ABCC4: variants seen among roughly 807,000 people sequenced by gnomAD.
The protein encoded by ABCC4 is ATP binding cassette subfamily C member 4 (PEL blood group).
In ABCC4, 102 loss-of-function variants were observed where a neutral mutation model predicts 168.5. The observed-to-expected ratio is 0.61, with a 90% CI of 0.52 to 0.71. The LOEUF (loss-of-function observed/expected upper bound fraction) is 0.71, where lower values mean the gene tolerates loss of function less well. Ranked by LOEUF, ABCC4 falls within the 30% of genes least tolerant of loss-of-function variation. The pLI, the probability that ABCC4 is intolerant of heterozygous loss-of-function variation, is 0.00. For synonymous variants in ABCC4, 617 were observed against 590.7 expected (o/e 1.04, Z -0.65); for missense variants, 1,402 against 1,605.8 (o/e 0.87, Z 2.17).
chr13:95,170,245 C>A (rs2037421972), intron 14 of ABCC4: 1 of 280,826 alleles, frequency 3.6e-6, no homozygotes, highest in Non-Finnish European at 6.7e-6. Flanking sequence ...CTGTAATTTC[C>A]AAATAATACA....
chr13:95,104,121 T>C lies in ABCC4; in HGVS notation c.2535+11801A>G, dbSNP rs185899786. The stretch of plus-strand genomic sequence containing the variant: ...TTTGAGGTTTTTTTGGTTTGGGTTT[T>C]TTTGTTGTTGTTGTTGAGATGGAGT... On this transcript the variant is annotated intron_variant, in intron 20 of 30. Transcript: ENST00000645237. Among the ~76,000 whole-genome samples the C allele has an allele frequency of 1.6e-3, 243 of 152,056 alleles. 1 individual carries two copies. The highest frequency in any genetic ancestry group is 5.1e-3 in the African/African-American group (209 of 41,352).
chr13:95,301,436 C>T lies in ABCC4; in HGVS notation c.-122G>A. 2 of 806,082 alleles carry T rather than the reference C, an allele frequency of 2.5e-6. No homozygotes were observed. The highest frequency in any genetic ancestry group is 3.5e-6 in the Non-Finnish European group (2 of 573,152). 49.9% of individuals were successfully genotyped at this position (806,082 alleles called of 1,614,324 possible). A position where few individuals can be genotyped will look rare whatever the true frequency, so the allele number is the denominator to read the frequency against. On this transcript the variant is annotated 5_prime_UTR_variant, in exon 1 of 31. Transcript: ENST00000645237. The stretch of plus-strand genomic sequence containing the variant: ...CCGGCCGCCACGCCTGTCCGCTCGG[C>T]TGGAGCCTGTGAAGCAGCCGCTTCC...
chr13:95,104,034 T>C (rs1210564988), intron 20 of ABCC4, among the ~76,000 whole-genome samples: 1 of 152,208 alleles, frequency 6.6e-6, no homozygotes, highest in East Asian at 1.9e-4. Context: ...TGCTGTGATG[T>C]GAACTTGTAT....
chr13:95,186,957 T>A, intron 10 of ABCC4, 65 bp from the exon 11 acceptor site: 5 of 1,391,226 alleles, frequency 3.6e-6, no homozygotes, highest in Non-Finnish European at 4.8e-6. Flanking sequence ...GCCACTGCAA[T>A]GCAGCCTTGC....
chr13:95,078,449 G>T (rs1617888), intron 21 of ABCC4, among the ~76,000 whole-genome samples: 128,243 of 151,780 alleles, frequency 0.84, 55,877 homozygotes, highest in Non-Finnish European at 0.95. Context: ...ACAAAAAGAT[G>T]ACTCTTCAAC....
chr13:95,158,976 G>C (rs2036974264), intron 19 of ABCC4, among the ~76,000 whole-genome samples: 1 of 150,774 alleles, frequency 6.6e-6, no homozygotes, highest in Non-Finnish European at 1.5e-5. Context: ...CCAACTACTT[G>C]GAAGGCTGAG....
At position 95,036,926 on chromosome 13, in the gene ABCC4, A is replaced by T. The variant is rs191184388; in HGVS notation, c.3736-2187T>A. On this transcript the variant is annotated intron_variant, in intron 29 of 30. Coordinates refer to ENST00000645237, the MANE Select transcript of ABCC4 (RefSeq NM_005845.5). ...TGACAAAACCCCACCTTTACTAAAA[A>T]TACAAAAATTAGCTGGGCATGGTGG... 9.5e-4 allele frequency among the ~76,000 whole-genome samples: 145 copies of T among 152,088 alleles called. 1 individual carries two copies. The highest frequency in any genetic ancestry group is 3.3e-3 in the African/African-American group (137 of 41,506).
intron 1 of ABCC4, among the ~76,000 whole-genome samples, chr13:95,278,714 C>T (rs2041033501): frequency 6.7e-6 from 1 of 148,548 alleles, no homozygotes; most frequent in Admixed American, 6.9e-5. Context: ...GGAGGATCAC[C>T]TGAGCCCGAG....
chr13:95,191,440 T>C (rs2038248397), intron 9 of ABCC4, among the ~76,000 whole-genome samples: 1 of 151,962 alleles, frequency 6.6e-6, no homozygotes, highest in African/African-American at 2.4e-5. Flanking sequence ...CCAGAATAGG[T>C]TTCTTTACTC....
At chr13:95,224,442 T>C (rs1241728591) in intron 4 of ABCC4, among the ~76,000 whole-genome samples, 2 of 152,070 alleles carry the variant, frequency 1.3e-5, no homozygotes, top group Non-Finnish European at 1.5e-5. Flanking sequence ...AGACTTCTAC[T>C]ATAAGAAATG....
intron 4 of ABCC4, among the ~76,000 whole-genome samples, chr13:95,234,360 A>G (rs989518152): frequency 7.2e-5 from 11 of 152,244 alleles, no homozygotes; most frequent in Non-Finnish European, 1.3e-4. Flanking sequence ...CTTTCATTAT[A>G]CACTGGAAAA....
chr13:95,132,714 AC>A (rs1290751567), intron 19 of ABCC4, among the ~76,000 whole-genome samples: 1 of 152,102 alleles, frequency 6.6e-6, no homozygotes, highest in Non-Finnish European at 1.5e-5. Context: ...GTATATACAC[AC>A]CATGCAATAT....
chr13:95,230,331 G>A (rs1437997822), intron 4 of ABCC4, among the ~76,000 whole-genome samples: 1 of 152,158 alleles, frequency 6.6e-6, no homozygotes, highest in Non-Finnish European at 1.5e-5. Context: ...TAGTTCTCAA[G>A]TTAAACAGAC....
intron 19 of ABCC4, among the ~76,000 whole-genome samples, chr13:95,144,768 C>T (rs182586120): frequency 6.6e-6 from 1 of 152,200 alleles, no homozygotes; most frequent in East Asian, 1.9e-4. Context: ...ATATTCCATG[C>T]TCATGGATAG....
intron 1 of ABCC4, among the ~76,000 whole-genome samples, chr13:95,275,974 C>T (rs1235841083): frequency 3.9e-5 from 6 of 152,122 alleles, no homozygotes; most frequent in African/African-American, 9.7e-5. Context: ...TACAAACATG[C>T]CAATCCTTAG....
chr13:95,189,337 G>C (rs1438437390), intron 9 of ABCC4, among the ~76,000 whole-genome samples: 1 of 151,272 alleles, frequency 6.6e-6, no homozygotes, highest in African/African-American at 2.4e-5. Context: ...GTTTCACCGT[G>C]GTCTCGATCT....
intron 3 of ABCC4, among the ~76,000 whole-genome samples, chr13:95,244,668 A>AG (rs2040059848): frequency 7.5e-6 from 1 of 132,882 alleles, no homozygotes; most frequent in Non-Finnish European, 1.7e-5. Context: ...AAAGAAAGAA[A>AG]GAAATCATAG....
rs2274407 is a variant in ABCC4 at position 95,206,781 on chromosome 13, C to A, written c.912G>T (p.Lys304Asn). The A allele has an allele frequency of 0.082, 133,071 of 1,613,542 alleles. 6,843 individuals are homozygous for A. Among genetic ancestry groups the A allele is most frequent in the East Asian group, 0.21 (9,577 of 44,838 alleles). The change falls in exon 8 of 31, where the codon AAG becomes AAT. Residue 304 changes from lysine to asparagine, a missense_variant and splice_region_variant. Physicochemically the swap from Lys to Asn is moderately conservative, Grantham distance 94 (BLOSUM62 0). This residue lies in a region of ABCC4 where 78 missense variants were observed against 133.0 expected (regional missense o/e 0.59). Coordinates refer to ENST00000645237, the MANE Select transcript of ABCC4 (RefSeq NM_005845.5). ...TTCTCAGAATCTTGGAAATCTCCTT[C>A]CTGAAAGAGAGTACAGGTTTTTAAA... ...SFSNLITNLR[K>N]KEISKILRSS...
intron 4 of ABCC4, among the ~76,000 whole-genome samples, chr13:95,233,207 T>C (rs1455647268): frequency 6.6e-6 from 1 of 152,030 alleles, no homozygotes; most frequent in Non-Finnish European, 1.5e-5. Context: ...ATGTACATTA[T>C]ATAACTGTAC....
Sources: allele counts gnomAD v4.1 joint callset (sites outside exome capture counted in the v4.1 genomes callset), GRCh38; gene constraint gnomAD v4.1.1; regional missense constraint gnomAD v4.1.1; transcripts MANE v1.5; gene names NCBI Gene and HGNC (gene_info 2026-07-23, HGNC 2026-07-21).